B4GALT5: variants seen among roughly 807,000 people sequenced by gnomAD.
The protein encoded by B4GALT5 is beta-1,4-galactosyltransferase 5.
A neutral mutation model predicts 45.0 loss-of-function variants in B4GALT5; 11 were observed. The observed-to-expected ratio is 0.24, with a 90% confidence interval of 0.15 to 0.40. B4GALT5 has a LOEUF of 0.40. Among genes scored for constraint, B4GALT5 ranks in the 10% least tolerant of loss-of-function variants. B4GALT5 has a pLI of 1.00. For synonymous variants in B4GALT5, 185 were observed against 182.9 expected, an observed-to-expected ratio of 1.01 and a Z score of -0.09; for missense variants, 337 against 500.2, an observed-to-expected ratio of 0.67 and a Z score of 3.11.
intron 1 of B4GALT5, among the ~76,000 whole-genome samples, chr20:49,710,631 G>A (rs778159944): frequency 2.0e-5 from 3 of 151,922 alleles, no homozygotes; most frequent in Non-Finnish European, 4.4e-5. Context: ...TCTTGGATAG[G>A]CTGGACTTGA....
chr20:49,638,676 TA>T (rs2122992313), intron 7 of B4GALT5, among the ~76,000 whole-genome samples: 1 of 151,976 alleles, frequency 6.6e-6, no homozygotes, highest in Admixed American at 6.6e-5. Context: ...CACTTAGTTA[TA>T]ATATGCCTTA....
At chr20:49,685,563 G>T (rs540323737) in intron 1 of B4GALT5, among the ~76,000 whole-genome samples, 1 of 152,162 alleles carries the variant, frequency 6.6e-6, no homozygotes, top group Non-Finnish European at 1.5e-5. Flanking sequence ...CTGGATCCCA[G>T]TGCTCACCGG....
chr20:49,658,566 C>G (rs1175873965), intron 1 of B4GALT5, among the ~76,000 whole-genome samples: 1 of 152,204 alleles, frequency 6.6e-6, no homozygotes, highest in Admixed American at 6.5e-5. Context: ...CAAGAACTCA[C>G]TACCTCCTTT....
intron 1 of B4GALT5, among the ~76,000 whole-genome samples, chr20:49,665,797 G>C (rs1243844785): frequency 1.3e-5 from 2 of 150,616 alleles, no homozygotes; most frequent in African/African-American, 4.9e-5. Context: ...TCTAGAGTAT[G>C]GTCCTGAAAG....
intron 3 of B4GALT5, among the ~76,000 whole-genome samples, chr20:49,646,045 A>C (rs1011802223): frequency 6.6e-6 from 1 of 152,136 alleles, no homozygotes; most frequent in African/African-American, 2.4e-5. Flanking sequence ...TAATAATTTT[A>C]AAATTAGCCA....
At position 49,635,010 on chromosome 20, in the gene B4GALT5, A is replaced by C. The variant is rs1157119939; in HGVS notation, c.*1302T>G. On this transcript the variant is annotated 3_prime_UTR_variant, in exon 9 of 9. Coordinates refer to ENST00000371711, the MANE Select transcript of B4GALT5 (RefSeq NM_004776.4). Reference sequence around the variant, plus strand: ...CTGGATCCCAGCTGCCCCACAGCACACAAGTGTCACCAGCTCCCTGGCTCC... The same window carrying C: ...CTGGATCCCAGCTGCCCCACAGCACCCAAGTGTCACCAGCTCCCTGGCTCC... 2.0e-5 allele frequency: 3 copies of C among 152,264 alleles called. No individual in the cohort carries two copies. Among genetic ancestry groups the C allele is most frequent in the Non-Finnish European group, 4.4e-5 (3 of 68,084 alleles). 9.4% of individuals were successfully genotyped at this position (152,264 alleles called of 1,614,324 possible).
chr20:49,643,706 T>C lies in B4GALT5; in HGVS notation c.365-56A>G, dbSNP rs576091095. ...GGTCAGAAAATGATAGGTTTCCCTA[T>C]GCCTGGGGTTTTAGTCTCTGGAGAG... is the stretch of plus-strand genomic sequence containing the variant. On this transcript the variant is annotated intron_variant, in intron 3 of 8. Transcript: ENST00000371711. 8 of 1,576,814 alleles carry C rather than the reference T, an allele frequency of 5.1e-6. No individual in the cohort carries two copies. In the South Asian group the frequency reaches 8.0e-5, roughly 16 times the overall value.
At chr20:49,708,707 G>A (rs2146363901) in intron 1 of B4GALT5, among the ~76,000 whole-genome samples, 1 of 152,232 alleles carries the variant, frequency 6.6e-6, no homozygotes, top group Non-Finnish European at 1.5e-5. Flanking sequence ...CAGCACTATG[G>A]GAGGCCAAGG....
intron 1 of B4GALT5, among the ~76,000 whole-genome samples, chr20:49,708,006 T>A (rs1038318811): frequency 6.9e-6 from 1 of 144,446 alleles, no homozygotes; most frequent in Admixed American, 7.1e-5. Context: ...TTGGTGGGCG[T>A]ATCATCTGAG....
chr20:49,662,070 A>C (rs1256153022), intron 1 of B4GALT5, among the ~76,000 whole-genome samples: 2 of 152,212 alleles, frequency 1.3e-5, no homozygotes, highest in Non-Finnish European at 2.9e-5. Flanking sequence ...TCTTGGCCAC[A>C]CAATGGTGCC....
rs1020226178 is a variant in B4GALT5 at position 49,643,948 on chromosome 20, T to G, written c.365-298A>C. ...TTTTTTTTTTTTTTTTTTTTTTTTT[T>G]GAGACAGTCTCGCTCTGTTGCCCGG... On this transcript the variant is annotated intron_variant, in intron 3 of 8. Coordinates refer to ENST00000371711, the MANE Select transcript of B4GALT5 (RefSeq NM_004776.4). Among the ~76,000 whole-genome samples the G allele has an allele frequency of 1.6e-3, 130 of 81,752 alleles. 1 individual carries two copies. The highest frequency in any genetic ancestry group is 9.6e-3 in the Middle Eastern group (1 of 104). The allele number at this position is 81,752 out of a possible 152,430, so 53.6% of individuals were successfully genotyped here.
chr20:49,687,229 G>C (rs1374782895), intron 1 of B4GALT5, among the ~76,000 whole-genome samples: 1 of 152,226 alleles, frequency 6.6e-6, no homozygotes, highest in Non-Finnish European at 1.5e-5. Context: ...CCAAGGTTGA[G>C]AAACTCTGCC....
At position 49,635,027 on chromosome 20, in the gene B4GALT5, C is replaced by A. The variant is rs1266763703; in HGVS notation, c.*1285G>T. 6.6e-6 allele frequency: 1 copy of A among 152,228 alleles called. No homozygotes were observed. The highest frequency in any genetic ancestry group is 6.5e-5 in the Admixed American group (1 of 15,282). 9.4% of individuals were successfully genotyped at this position (152,228 alleles called of 1,614,324 possible). The stretch of plus-strand genomic sequence containing the variant: ...CACAGCACACAAGTGTCACCAGCTC[C>A]CTGGCTCCTGGCTCCCTATTTGAGT... On this transcript the variant is annotated 3_prime_UTR_variant, in exon 9 of 9. Transcript: ENST00000371711.
intron 1 of B4GALT5, among the ~76,000 whole-genome samples, chr20:49,694,313 G>T (rs187884923): frequency 1.3e-5 from 2 of 151,718 alleles, no homozygotes; most frequent in Admixed American, 6.6e-5. Flanking sequence ...TATAACTTTT[G>T]AAAGTTATAG....
intron 1 of B4GALT5, among the ~76,000 whole-genome samples, chr20:49,703,648 G>A (rs948530559): frequency 6.6e-6 from 1 of 151,972 alleles, no homozygotes; most frequent in African/African-American, 2.4e-5. Context: ...CAGCACTTTA[G>A]GAGCCCAAGG....
intron 6 of B4GALT5, 53 bp downstream of exon 6, chr20:49,640,425 G>A (rs1429409047): frequency 1.0e-5 from 15 of 1,455,414 alleles, no homozygotes; most frequent in South Asian, 7.4e-5. Flanking sequence ...TTTTCACATC[G>A]CTCACCATCC....
chr20:49,635,197 T>C lies in B4GALT5; in HGVS notation c.*1115A>G, dbSNP rs927110647. The stretch of plus-strand genomic sequence containing the variant: ...TGGCCAAGTTCCACAAGAGAAAAAG[T>C]AAGAGGGGGAGGGATTCCCATACAC... On this transcript the variant is annotated 3_prime_UTR_variant, in exon 9 of 9. Transcript: ENST00000371711. 6.6e-6 allele frequency: 1 copy of C among 151,570 alleles called. No individual in the cohort carries two copies. Among genetic ancestry groups the C allele is most frequent in the African/African-American group, 2.4e-5 (1 of 41,154 alleles). 9.4% of individuals were successfully genotyped at this position (151,570 alleles called of 1,614,324 possible).
chr20:49,657,209 G>T (rs1231316839), intron 1 of B4GALT5, among the ~76,000 whole-genome samples: 2 of 152,140 alleles, frequency 1.3e-5, no homozygotes, highest in African/African-American at 2.4e-5. Context: ...GTAGACTGAG[G>T]CTCCAATCAC....
intron 1 of B4GALT5, among the ~76,000 whole-genome samples, chr20:49,682,577 C>G (rs2085768534): frequency 1.3e-5 from 2 of 152,134 alleles, no homozygotes; most frequent in South Asian, 2.1e-4. Flanking sequence ...CGCACACCTC[C>G]TGAATACCTC....
Sources: allele counts gnomAD v4.1 joint callset (sites outside exome capture counted in the v4.1 genomes callset), GRCh38; gene constraint gnomAD v4.1.1; transcripts MANE v1.5; gene names NCBI Gene and HGNC (gene_info 2026-07-23, HGNC 2026-07-21).